ASIC4: variants seen among roughly 807,000 people sequenced by gnomAD.
ASIC4 encodes the protein acid-sensing ion channel 4.
A neutral mutation model predicts 53.4 loss-of-function variants in ASIC4; 28 were observed. The observed-to-expected ratio is 0.52, with a 90% CI of 0.39 to 0.72. The LOEUF is 0.72. ASIC4 is among the 30% of genes least tolerant of loss of function. ASIC4 has a pLI of 0.00. For missense variants in ASIC4, 649 were observed against 729.7 expected (o/e 0.89, Z 1.27); for synonymous variants, 289 against 301.4 (o/e 0.96, Z 0.43).
Position 219,515,302 on chromosome 2 carries a change from C to T in ASIC4, c.578C>T (p.Ser193Phe). The change falls in exon 1 of 10, where the codon TCT becomes TTT. Residue 193 changes from serine (S) to phenylalanine (F), a missense_variant. Transcript: ENST00000358078. ...SGHHCSASNF[S>F]VVYTRYGKCY... ...CATCACTGCTCCGCCAGCAACTTCT[C>T]TGTGGTGAGTTCTGCCAGCTGGGCT... is the stretch of plus-strand genomic sequence containing the variant. 6.2e-7 allele frequency: 1 copy of T among 1,608,098 alleles called. No individual in the cohort carries two copies. The highest frequency in any genetic ancestry group is 8.5e-7 in the Non-Finnish European group (1 of 1,176,306).
At position 219,538,563 on chromosome 2, in the gene ASIC4, G is replaced by A. The variant is rs1695188714; in HGVS notation, c.*517G>A. Reference sequence around the variant, plus strand: ...CCAGGCCCAGCTCCCCTCTTGGCAGGGGGAGAGGATGGCCCAGCAGGCCTG... The same window carrying A: ...CCAGGCCCAGCTCCCCTCTTGGCAGAGGGAGAGGATGGCCCAGCAGGCCTG... On this transcript the variant is annotated 3_prime_UTR_variant, in exon 10 of 10. Transcript: ENST00000358078. The A allele has an allele frequency of 6.2e-6, 1 of 161,530 alleles. No homozygotes were observed. The highest frequency in any genetic ancestry group is 5.8e-5 in the Admixed American group (1 of 17,292). The allele number at this position is 161,530 out of a possible 1,614,324, so 10.0% of individuals were successfully genotyped here.
chr2:219,537,604 A>G lies in ASIC4; in HGVS notation c.1402-28A>G, dbSNP rs1559121270. 6.3e-7 allele frequency: 1 copy of G among 1,589,494 alleles called. No homozygotes were observed. The highest frequency in any genetic ancestry group is 2.2e-5 in the East Asian group (1 of 44,688). ...CTCCTCAACCAAATTTCCTGAGCCC[A>G]CTGCTGTCCCCGACCCTGAACCCCA... On this transcript the variant is annotated intron_variant, in intron 8 of 9. Transcript: ENST00000358078. This position sits in a 1 kb window ranked among gnomAD's most constrained non-coding sequence, Gnocchi z 4.9.
intron 1 of ASIC4, among the ~76,000 whole-genome samples, chr2:219,527,763 A>G (rs904811926): frequency 2.0e-5 from 3 of 152,272 alleles, no homozygotes; most frequent in African/African-American, 7.2e-5. Flanking sequence ...CAAAGGAGAA[A>G]ATAGATCAAA....
chr2:219,509,031 G>T, the ASIC4 span, among the ~76,000 whole-genome samples: 2 of 151,668 alleles, frequency 1.3e-5, no homozygotes. This position sits in a 1 kb window ranked among gnomAD's most constrained non-coding sequence, Gnocchi z 5.2. Context: ...TCAGGAGCCA[G>T]CCGAGGGGGA....
chr2:219,523,465 C>T (rs141243728), intron 1 of ASIC4, among the ~76,000 whole-genome samples: 3 of 152,304 alleles, frequency 2.0e-5, no homozygotes, highest in East Asian at 3.9e-4. Flanking sequence ...CAGCCATTGC[C>T]TCCTAGATCC....
rs1695113618 is a variant in ASIC4 at position 219,535,327 on chromosome 2, A to T, written c.1229+3A>T. On this transcript the variant is annotated splice_donor_region_variant and intron_variant, in intron 6 of 9. Transcript: ENST00000358078. ...AACCGCAACGAGACCTACATACGGT[A>T]TGTGTGTGTGTGTGTGGGGGGTGGC... 6.5e-7 allele frequency: 1 copy of T among 1,533,570 alleles called. No individual in the cohort carries two copies. The highest frequency in any genetic ancestry group is 8.8e-7 in the Non-Finnish European group (1 of 1,133,118). The allele number at this position is 1,533,570 out of a possible 1,614,324, so 95.0% of individuals were successfully genotyped here. A position where few individuals can be genotyped will look rare whatever the true frequency, so the allele number is the denominator to read the frequency against.
intron 1 of ASIC4, among the ~76,000 whole-genome samples, chr2:219,521,755 A>T (rs970411018): frequency 6.6e-6 from 1 of 151,538 alleles, no homozygotes; most frequent in Non-Finnish European, 1.5e-5. Context: ...CTGAGTTATA[A>T]GTATTCCTTG....
chr2:219,523,920 C>G (rs185075439), intron 1 of ASIC4, among the ~76,000 whole-genome samples: 1 of 152,098 alleles, frequency 6.6e-6, no homozygotes, highest in Non-Finnish European at 1.5e-5. Flanking sequence ...ACCTCCCAGA[C>G]TCAAGAGATC....
At chr2:219,533,187 C>T (rs1459162668) in intron 5 of ASIC4, 3 of 571,028 alleles carry the variant, frequency 5.3e-6, no homozygotes, top group East Asian at 5.7e-5. Context: ...GAGTGAAGGT[C>T]TGGGCTTCTC....
chr2:219,534,302 G>A (rs917480344), intron 5 of ASIC4, among the ~76,000 whole-genome samples: 1 of 152,242 alleles, frequency 6.6e-6, no homozygotes, highest in Admixed American at 6.5e-5. Context: ...TTTAGTGAAG[G>A]AACAGATATG....
rs1695179024 is a variant in ASIC4 at position 219,538,110 on chromosome 2, T to C, written c.*64T>C. The C allele has an allele frequency of 1.6e-5, 22 of 1,377,462 alleles. No individual in the cohort carries two copies. The highest frequency in any genetic ancestry group is 2.2e-5 in the Non-Finnish European group (22 of 986,556). 85.3% of individuals were successfully genotyped at this position (1,377,462 alleles called of 1,614,324 possible). A position where few individuals can be genotyped will look rare whatever the true frequency, so the allele number is the denominator to read the frequency against. On this transcript the variant is annotated 3_prime_UTR_variant, in exon 10 of 10. Coordinates refer to ENST00000358078, the MANE Select transcript of ASIC4 (RefSeq NM_018674.6). ...CCCTCCTGGGATCCCCAGCACATTC[T>C]CCTGCTCCTGGGAGAGGCCTGGGGG...
chr2:219,510,226 C>G (rs1396045309), upstream of ASIC4, among the ~76,000 whole-genome samples: 2 of 151,990 alleles, frequency 1.3e-5, no homozygotes, highest in Non-Finnish European at 2.9e-5. The surrounding 1 kb of genome is among the most constrained non-coding windows in gnomAD (Gnocchi z 5.2). Context: ...CCGCTCCCCA[C>G]ATGCCCCTCG....
rs779806630 is a variant in ASIC4, at chr2:219,538,046, G to C, written c.1620G>C (p.Ter540TyrextTer108). Residue 540 changes from the stop codon to tyrosine, a stop_lost, in exon 10 of 10, where the codon TAG becomes TAC. Transcript: ENST00000358078. Reference sequence around the variant, plus strand: ...GTCTCTTTGAAGATTTTGCTTGCTAGGACGGTGCTGTGACTGAAAGGACCC... The same window carrying C: ...GTCTCTTTGAAGATTTTGCTTGCTACGACGGTGCTGTGACTGAAAGGACCC... ...PGGLFEDFAC[*>Y] The C allele has an allele frequency of 1.2e-6, 2 of 1,611,038 alleles. No homozygotes were observed. The highest frequency in any genetic ancestry group is 1.3e-5 in the African/African-American group (1 of 75,006).
Position 219,538,192 on chromosome 2 carries a change from A to T in ASIC4, c.*146A>T, listed in dbSNP as rs894931213. 2 of 699,682 alleles carry T rather than the reference A, an allele frequency of 2.9e-6. No homozygotes were observed. The highest frequency in any genetic ancestry group is 3.6e-5 in the African/African-American group (2 of 56,044). The allele number at this position is 699,682 out of a possible 1,614,324, so 43.3% of individuals were successfully genotyped here. A position where few individuals can be genotyped will look rare whatever the true frequency, so the allele number is the denominator to read the frequency against. ...CCTGCTCTCATCCTCCCCTGCCCTG[A>T]TGTCAGCTGCTTTGCACAAAGGTCC... On this transcript the variant is annotated 3_prime_UTR_variant, in exon 10 of 10. Transcript: ENST00000358078.
the ASIC4 span, among the ~76,000 whole-genome samples, chr2:219,509,127 C>T: frequency 1.3e-5 from 2 of 152,004 alleles, no homozygotes; most frequent in African/African-American, 2.4e-5. This position sits in a 1 kb window ranked among gnomAD's most constrained non-coding sequence, Gnocchi z 5.2. Flanking sequence ...CTCCAGTCCC[C>T]TAGGCCAGGC....
At position 219,536,049 on chromosome 2, in the gene ASIC4, A is replaced by C. The variant is rs1040340219; in HGVS notation, c.1229+725A>C. Among the ~76,000 whole-genome samples, 1 of 152,142 alleles carries C rather than the reference A, an allele frequency of 6.6e-6. No homozygotes were observed. Among genetic ancestry groups the C allele is most frequent in the African/African-American group, 2.4e-5 (1 of 41,430 alleles). On this transcript the variant is annotated intron_variant, in intron 6 of 9. Coordinates refer to ENST00000358078, the MANE Select transcript of ASIC4 (RefSeq NM_018674.6). The surrounding 1 kb of genome is among the most constrained non-coding windows in gnomAD (Gnocchi z 4.6). Reference sequence around the variant, plus strand: ...TGGTCTCCCAAAGTGCTGGGATTACAGGTGTGAGCCACCTTGCCTGGCCAC... The same window carrying C: ...TGGTCTCCCAAAGTGCTGGGATTACCGGTGTGAGCCACCTTGCCTGGCCAC...
At chr2:219,525,538 T>C (rs1388475456) in intron 1 of ASIC4, among the ~76,000 whole-genome samples, 2 of 152,162 alleles carry the variant, frequency 1.3e-5, no homozygotes, top group Non-Finnish European at 2.9e-5. Flanking sequence ...AACCTTGCCG[T>C]CTCTAGGCTT....
At chr2:219,524,800 G>A (rs1054806464) in intron 1 of ASIC4, among the ~76,000 whole-genome samples, 1 of 152,190 alleles carries the variant, frequency 6.6e-6, no homozygotes, top group African/African-American at 2.4e-5. Flanking sequence ...CCTCTAAGCC[G>A]CTCCCAAATT....
chr2:219,515,581 G>A (rs982124487), intron 1 of ASIC4, among the ~76,000 whole-genome samples: 8 of 152,248 alleles, frequency 5.3e-5, no homozygotes, highest in African/African-American at 1.9e-4. Context: ...TTGGGGTGGG[G>A]GTTCCTAGGC....
Sources: gnomAD v4.1 joint callset for allele counts (sites outside exome capture counted in the v4.1 genomes callset) on GRCh38, gnomAD v4.1.1 for gene constraint, Gnocchi (gnomAD v3.1) non-coding constraint, MANE v1.5 for transcripts, NCBI Gene and HGNC (gene_info 2026-07-23, HGNC 2026-07-21) for gene names.